Variants in SDK1 observed in about 807,000 individuals in gnomAD.
The protein encoded by SDK1 is sidekick cell adhesion molecule 1, also known as protein sidekick-1.
In SDK1, 157 loss-of-function variants were observed where a neutral mutation model predicts 245.5. That is an observed-to-expected ratio of 0.64 (90% confidence interval 0.56 to 0.73). SDK1 has a LOEUF of 0.73. SDK1 is among the 30% of genes least tolerant of loss of function. The probability of loss-of-function intolerance (pLI) is 0.00; values close to 1 mark genes in which losing one functional copy is unlikely to be tolerated. For missense variants in SDK1, 3,583 were observed against 3,002.3 expected, an observed-to-expected ratio of 1.19 and a Z score of -4.52; for synonymous variants, 1,647 against 1,278.5, an observed-to-expected ratio of 1.29 and a Z score of -6.15.
intron 28 of SDK1, among the ~76,000 whole-genome samples, chr7:4,143,302 A>T (rs182171022): frequency 1.6e-3 from 251 of 152,316 alleles, no homozygotes; most frequent in Non-Finnish European, 2.9e-3. Flanking sequence ...ACCGGCCACC[A>T]CAGGGTGAGG....
chr7:4,040,851 G>A (rs986214922), intron 17 of SDK1, among the ~76,000 whole-genome samples: 1 of 152,210 alleles, frequency 6.6e-6, no homozygotes, highest in African/African-American at 2.4e-5. Context: ...GAGCCTCCAT[G>A]TTGAATGTGT....
chr7:3,730,752 A>G (rs1029359492), intron 4 of SDK1, among the ~76,000 whole-genome samples: 5 of 152,156 alleles, frequency 3.3e-5, no homozygotes, highest in African/African-American at 4.8e-5. Context: ...CAGGCAGCCA[A>G]TTGGAAGAGC....
At chr7:4,130,226 C>G (rs1243629412) in intron 27 of SDK1, 129 bp downstream of exon 27, 1 of 1,092,930 alleles carries the variant, frequency 9.1e-7, no homozygotes, top group African/African-American at 1.6e-5. Context: ...TTGAGGGAAA[C>G]AAAACAAAAT....
At chr7:4,113,956 C>G in intron 24 of SDK1, 81 bp from the exon 25 acceptor site, 1 of 1,170,652 alleles carries the variant, frequency 8.5e-7, no homozygotes, top group African/African-American at 1.5e-5. Flanking sequence ...GTTGGCCTCA[C>G]AGGGCAGGCC....
chr7:3,947,662 T>C, intron 5 of SDK1, among the ~76,000 whole-genome samples: 1 of 151,588 alleles, frequency 6.6e-6, no homozygotes, highest in East Asian at 1.9e-4. Context: ...TAAAAATATC[T>C]GTATCTATAT....
At chr7:4,176,872 C>G (rs1782246568) in intron 34 of SDK1, among the ~76,000 whole-genome samples, 1 of 152,250 alleles carries the variant, frequency 6.6e-6, no homozygotes, top group Non-Finnish European at 1.5e-5. Flanking sequence ...TGTTTCTCCA[C>G]TCAGCCTCCC....
At chr7:4,087,795 A>G (rs1478784950) in intron 22 of SDK1, among the ~76,000 whole-genome samples, 1 of 152,088 alleles carries the variant, frequency 6.6e-6, no homozygotes, top group Admixed American at 6.5e-5. Flanking sequence ...AGCTCTGTAG[A>G]CGTGCTTCTT....
chr7:3,702,778 T>A (rs1020117921), intron 4 of SDK1, among the ~76,000 whole-genome samples: 1 of 152,198 alleles, frequency 6.6e-6, no homozygotes, highest in Non-Finnish European at 1.5e-5. Flanking sequence ...GTTCAGCATT[T>A]TTACTCATGG....
At position 4,099,656 on chromosome 7, in the gene SDK1, C is replaced by T. The variant is rs1440053845; in HGVS notation, c.3325-11007C>T. 3.5e-5 allele frequency among the ~76,000 whole-genome samples: 5 copies of T among 140,874 alleles called. No individual in the cohort carries two copies. The South Asian group carries it at 7.6e-4, about 21-fold the overall frequency. 92.4% of individuals were successfully genotyped at this position (140,874 alleles called of 152,430 possible). A position where few individuals can be genotyped will look rare whatever the true frequency, so the allele number is the denominator to read the frequency against. ...TGGGAACTGGCTCACCCTGGGAGGG[C>T]CATCTCTCCAGGGCCAGCCAGGCCC... On this transcript the variant is annotated intron_variant, in intron 22 of 44. Transcript: ENST00000404826.
intron 5 of SDK1, among the ~76,000 whole-genome samples, chr7:3,908,960 A>G (rs1361296145): frequency 3.3e-5 from 5 of 151,986 alleles, no homozygotes; most frequent in African/African-American, 1.2e-4. Context: ...GGGGTGGGCC[A>G]TCAGGAGATG....
chr7:4,150,281 T>C (rs645106), intron 30 of SDK1, among the ~76,000 whole-genome samples: 119,859 of 152,066 alleles, frequency 0.79, 48,006 homozygotes, highest in African/African-American at 0.95. Context: ...TGCTTCTCAT[T>C]GGCCCAGAGT....
chr7:3,519,089 AAAG>A (rs1239443482), intron 1 of SDK1, among the ~76,000 whole-genome samples: 2 of 152,158 alleles, frequency 1.3e-5, no homozygotes, highest in African/African-American at 4.8e-5. Flanking sequence ...CAGAAGCTAA[AAAG>A]AAGTTGATTT....
intron 1 of SDK1, among the ~76,000 whole-genome samples, chr7:3,391,848 C>A (rs1212379185): frequency 1.3e-5 from 2 of 151,564 alleles, no homozygotes; most frequent in African/African-American, 4.9e-5. Flanking sequence ...AGGCTGGTCT[C>A]AAACTCCTGA....
At chr7:3,422,183 G>C (rs1216846667) in intron 1 of SDK1, among the ~76,000 whole-genome samples, 1 of 152,126 alleles carries the variant, frequency 6.6e-6, no homozygotes, top group African/African-American at 2.4e-5. Context: ...CCTTCAAGTG[G>C]AATGAATCAA....
chr7:3,676,176 C>G (rs1330699549), intron 4 of SDK1, among the ~76,000 whole-genome samples: 1 of 151,354 alleles, frequency 6.6e-6, no homozygotes, highest in Non-Finnish European at 1.5e-5. Flanking sequence ...TATGTTGCCA[C>G]CTGGCTAAAT....
rs1486956144 is a variant in SDK1 at position 4,065,687 on chromosome 7, G to GGTT, written c.2912-2144_2912-2142dup. Among the ~76,000 whole-genome samples the GGTT allele has an allele frequency of 4.6e-3, 461 of 100,310 alleles. 11 individuals are homozygous for GGTT. Among genetic ancestry groups the GGTT allele is most frequent in the African/African-American group, 0.023 (410 of 17,872 alleles). 65.8% of individuals were successfully genotyped at this position (100,310 alleles called of 152,430 possible). ...TTTTCAAAGTTTCACCCAGATGAGT[G>GGTT]GTTGTTGTTTTTTTTTTTTTTTTTT... On this transcript the variant is annotated intron_variant, in intron 19 of 44. Coordinates refer to ENST00000404826, the MANE Select transcript of SDK1 (RefSeq NM_152744.4).
intron 1 of SDK1, among the ~76,000 whole-genome samples, chr7:3,324,206 A>G (rs1779887383): frequency 6.6e-6 from 1 of 152,182 alleles, no homozygotes; most frequent in Admixed American, 6.5e-5. Flanking sequence ...GAAATTGAGT[A>G]GATTGTTTTG....
At chr7:3,682,491 G>A (rs369940959) in intron 4 of SDK1, among the ~76,000 whole-genome samples, 13 of 152,290 alleles carry the variant, frequency 8.5e-5, no homozygotes, top group African/African-American at 1.4e-4. Context: ...GGAGGCGCTC[G>A]TATGCACTGA....
chr7:3,933,678 C>A (rs964910300), intron 5 of SDK1, among the ~76,000 whole-genome samples: 2 of 152,100 alleles, frequency 1.3e-5, no homozygotes, highest in Non-Finnish European at 2.9e-5. Flanking sequence ...TTGTATAAAC[C>A]TTTGCATTTA....
Sources: gnomAD v4.1 joint callset for allele counts (sites outside exome capture counted in the v4.1 genomes callset) on GRCh38, gnomAD v4.1.1 for gene constraint, MANE v1.5 for transcripts, NCBI Gene and HGNC (gene_info 2026-07-23, HGNC 2026-07-21) for gene names.